Variants in SYT1 observed in about 807,000 individuals in gnomAD.
The protein encoded by SYT1 is synaptotagmin 1.
In SYT1, 8 loss-of-function variants were observed where a neutral mutation model predicts 44.8. The observed-to-expected ratio is 0.18, with a 90% CI of 0.10 to 0.32. SYT1 has a LOEUF of 0.32. Ranked by LOEUF, SYT1 falls within the 10% of genes least tolerant of loss-of-function variation. SYT1 has a pLI of 1.00. For missense variants in SYT1, 286 were observed against 509.3 expected, an observed-to-expected ratio of 0.56 and a Z score of 4.22; for synonymous variants, 154 against 188.8, an observed-to-expected ratio of 0.82 and a Z score of 1.51.
At chr12:79,329,622 C>T (rs969873059) in intron 8 of SYT1, among the ~76,000 whole-genome samples, 2 of 152,128 alleles carry the variant, frequency 1.3e-5, no homozygotes, top group African/African-American at 4.8e-5. Flanking sequence ...GAGATCAGTA[C>T]AATTATTATC....
intron 3 of SYT1, among the ~76,000 whole-genome samples, chr12:79,052,075 G>A (rs1273062909): frequency 6.6e-6 from 1 of 152,042 alleles, no homozygotes; most frequent in Non-Finnish European, 1.5e-5. Flanking sequence ...AAAGTCATTG[G>A]TAGCTTGATG....
At chr12:79,430,715 G>C (rs1359941907) in intron 9 of SYT1, among the ~76,000 whole-genome samples, 11 of 152,244 alleles carry the variant, frequency 7.2e-5, no homozygotes, top group Non-Finnish European at 1.5e-5. Flanking sequence ...TGAGCCCGGA[G>C]GTTGAGGCAG....
chr12:79,423,954 G>GGTT (rs1324390003), intron 9 of SYT1, among the ~76,000 whole-genome samples: 2 of 149,984 alleles, frequency 1.3e-5, no homozygotes, highest in African/African-American at 5.0e-5. Context: ...AATACTTGTT[G>GGTT]AAATAACCAA....
intron 1 of SYT1, among the ~76,000 whole-genome samples, chr12:78,973,941 ATATATATAT>A (rs1868615219): frequency 2.6e-3 from 28 of 10,706 alleles, no homozygotes; most frequent in East Asian, 4.4e-3. Flanking sequence ...AAAAAAAAAT[ATATATATAT>A]ATATATATAT....
At chr12:79,350,348 G>T (rs1427953420) in intron 8 of SYT1, among the ~76,000 whole-genome samples, 2 of 151,032 alleles carry the variant, frequency 1.3e-5, no homozygotes, top group South Asian at 4.2e-4. Context: ...CGCCTCCCGG[G>T]TTCACACCAT....
chr12:79,126,525 CTGAGA>C (rs1405722875), intron 3 of SYT1, among the ~76,000 whole-genome samples: 1 of 152,184 alleles, frequency 6.6e-6, no homozygotes, highest in Non-Finnish European at 1.5e-5. Flanking sequence ...TCCCAAAGTG[CTGAGA>C]TTATAGGCGT....
chr12:79,387,832 A>T (rs1884493791), intron 9 of SYT1, among the ~76,000 whole-genome samples: 1 of 152,206 alleles, frequency 6.6e-6, no homozygotes. Context: ...AAAGAGGATA[A>T]CATTCCCAGT....
Position 79,239,500 on chromosome 12 carries a change from G to A in SYT1, c.166+21815G>A, listed in dbSNP as rs1415777424. 2.0e-5 allele frequency among the ~76,000 whole-genome samples: 3 copies of A among 152,236 alleles called. No individual in the cohort carries two copies. The East Asian group carries it at 5.8e-4, about 29-fold the overall frequency. ...CATTGGTCCATTCATTCTAATAAAT[G>A]TGCCATATTAATGTAGAGGTTAATA... is the stretch of plus-strand genomic sequence containing the variant. On this transcript the variant is annotated intron_variant, in intron 4 of 10. Transcript: ENST00000261205.
At chr12:79,261,239 G>A (rs1024815765) in intron 4 of SYT1, among the ~76,000 whole-genome samples, 2 of 152,152 alleles carry the variant, frequency 1.3e-5, no homozygotes, top group South Asian at 4.1e-4. Flanking sequence ...AACCTTCACT[G>A]CCTACAAAAC....
At chr12:79,260,432 T>C (rs1414421713) in intron 4 of SYT1, among the ~76,000 whole-genome samples, 2 of 152,172 alleles carry the variant, frequency 1.3e-5, no homozygotes, top group African/African-American at 2.4e-5. Context: ...TAGTAACAAG[T>C]ATTTTGAAAT....
At chr12:79,290,568 A>G (rs1270103539) in intron 5 of SYT1, among the ~76,000 whole-genome samples, 1 of 152,182 alleles carries the variant, frequency 6.6e-6, no homozygotes, top group Admixed American at 6.5e-5. Context: ...TCTTAGATTC[A>G]ATTTGAGAGC....
At chr12:78,891,200 C>T (rs1048402942) in intron 1 of SYT1, among the ~76,000 whole-genome samples, 4 of 151,870 alleles carry the variant, frequency 2.6e-5, no homozygotes, top group South Asian at 4.1e-4. Context: ...GGGAATGACA[C>T]ATAGTTGCTA....
At chr12:79,130,785 A>G (rs977749527) in intron 3 of SYT1, among the ~76,000 whole-genome samples, 1 of 152,188 alleles carries the variant, frequency 6.6e-6, no homozygotes, top group African/African-American at 2.4e-5. Context: ...TCTTTGAACC[A>G]GGAGTCTCAT....
rs1424246190 is a variant in SYT1, at chr12:79,408,506, T to C, written c.929-35567T>C. Among the ~76,000 whole-genome samples the C allele has an allele frequency of 3.3e-5, 5 of 152,112 alleles. No homozygotes were observed. In the East Asian group the frequency reaches 9.6e-4, roughly 29 times the overall value. ...ACTTTGAGCAAGTCATTTAGCGAGGTGATTCAGCCCATGCTTTCATGTGGA... is the reference window on the plus strand; with the variant it reads ...ACTTTGAGCAAGTCATTTAGCGAGGCGATTCAGCCCATGCTTTCATGTGGA... On this transcript the variant is annotated intron_variant, in intron 9 of 10. Coordinates refer to ENST00000261205, the MANE Select transcript of SYT1 (RefSeq NM_005639.3).
chr12:79,435,227 T>C (rs1166269855), intron 9 of SYT1, among the ~76,000 whole-genome samples: 2 of 152,134 alleles, frequency 1.3e-5, no homozygotes, highest in African/African-American at 4.8e-5. Flanking sequence ...GCTGATACTG[T>C]TGGATTTATG....
chr12:79,327,524 A>G (rs532567250), intron 8 of SYT1, among the ~76,000 whole-genome samples: 1 of 152,222 alleles, frequency 6.6e-6, no homozygotes, highest in Non-Finnish European at 1.5e-5. Context: ...TATGGTAAAC[A>G]ACTATGTTCT....
At chr12:79,165,531 GA>G (rs1244035201) in intron 3 of SYT1, among the ~76,000 whole-genome samples, 1 of 151,900 alleles carries the variant, frequency 6.6e-6, no homozygotes, top group Non-Finnish European at 1.5e-5. Flanking sequence ...GTGTTTCACT[GA>G]AAATTTATTC....
chr12:79,023,979 A>C (rs1872360629), intron 2 of SYT1, among the ~76,000 whole-genome samples: 1 of 151,778 alleles, frequency 6.6e-6, no homozygotes, highest in African/African-American at 2.4e-5. Context: ...ACATTGATGC[A>C]ATAGGATTAC....
At chr12:79,321,724 G>A (rs1881368033) in intron 8 of SYT1, among the ~76,000 whole-genome samples, 2 of 152,158 alleles carry the variant, frequency 1.3e-5, no homozygotes. Context: ...CAAGTCATCA[G>A]GGGATACATT....
Sources: allele counts gnomAD v4.1 joint callset (sites outside exome capture counted in the v4.1 genomes callset), GRCh38; gene constraint gnomAD v4.1.1; transcripts MANE v1.5; gene names NCBI Gene and HGNC (gene_info 2026-07-23, HGNC 2026-07-21).